MOV10: variants seen among roughly 807,000 people sequenced by gnomAD.
MOV10 encodes the protein RNA helicase MOV-10.
A neutral mutation model predicts 108.4 loss-of-function variants in MOV10; 39 were observed. The observed-to-expected ratio is 0.36, with a 90% confidence interval of 0.28 to 0.47. The LOEUF (loss-of-function observed/expected upper bound fraction) is 0.47, where lower values mean the gene tolerates loss of function less well. Among genes scored for constraint, MOV10 ranks in the 20% least tolerant of loss-of-function variants. The pLI is 1.00. For missense variants in MOV10, 952 were observed against 1,297.6 expected, an observed-to-expected ratio of 0.73 and a Z score of 4.09; for synonymous variants, 490 against 523.1, an observed-to-expected ratio of 0.94 and a Z score of 0.86.
chr1:112,681,184 T>C (rs1364733693), intron 2 of MOV10, among the ~76,000 whole-genome samples: 1 of 151,946 alleles, frequency 6.6e-6, no homozygotes, highest in South Asian at 2.1e-4. Context: ...TTTTAGTCAT[T>C]GTTTTATTTA....
intron 2 of MOV10, among the ~76,000 whole-genome samples, chr1:112,686,514 C>G (rs776640586): frequency 2.0e-5 from 3 of 152,196 alleles, no homozygotes; most frequent in Non-Finnish European, 4.4e-5. Context: ...CAACTACTCA[C>G]ACTCCCTGGG....
At chr1:112,688,906 C>T (rs1293705218) in intron 2 of MOV10, 29 bp from the exon 3 acceptor site, 3 of 1,611,312 alleles carry the variant, frequency 1.9e-6, no homozygotes, top group African/African-American at 2.7e-5. Context: ...TGCCTTCCCT[C>T]ACTTCCCAGT....
At position 112,674,881 on chromosome 1, in the gene MOV10, A is replaced by G; in HGVS notation, c.-32A>G. 1 of 1,525,488 alleles carries G rather than the reference A, an allele frequency of 6.6e-7. No homozygotes were observed. Among genetic ancestry groups the G allele is most frequent in the Non-Finnish European group, 8.8e-7 (1 of 1,141,994 alleles). The allele number at this position is 1,525,488 out of a possible 1,614,324, so 94.5% of individuals were successfully genotyped here. A position where few individuals can be genotyped will look rare whatever the true frequency, so the allele number is the denominator to read the frequency against. On this transcript the variant is annotated 5_prime_UTR_variant, in exon 2 of 21. Transcript: ENST00000369645. ...GCGACTTTCAGTTTCATTTCCACGG[A>G]CCCTCCTGCCTGGGCCGCAGCCGCC...
chr1:112,675,238 C>A lies in MOV10; in HGVS notation c.137+189C>A, dbSNP rs556269166. 2.0e-5 allele frequency among the ~76,000 whole-genome samples: 3 copies of A among 152,084 alleles called. No individual in the cohort carries two copies. Among genetic ancestry groups the A allele is most frequent in the South Asian group, 4.1e-4 (2 of 4,824 alleles). On this transcript the variant is annotated intron_variant, in intron 2 of 20. Transcript: ENST00000369645. The surrounding 1 kb of genome is among the most constrained non-coding windows in gnomAD (Gnocchi z 4.7). ...CACGCCCCACCAGCGCCGCCCGGAG[C>A]CCGCCAGTTCTGCCCGAGCTGGGCC...
At chr1:112,693,929 T>G (rs1161330437) in intron 7 of MOV10, 89 bp from the exon 8 acceptor site, 3 of 1,232,140 alleles carry the variant, frequency 2.4e-6, no homozygotes, top group Non-Finnish European at 3.5e-6. Flanking sequence ...GTCTCAGTCC[T>G]TGTCCCTTAA....
chr1:112,692,939 CAGATTGAG>C lies in MOV10; in HGVS notation c.1140+11_1140+18del. 6.2e-7 allele frequency: 1 copy of C among 1,602,162 alleles called. No individual in the cohort carries two copies. The highest frequency in any genetic ancestry group is 8.5e-7 in the Non-Finnish European group (1 of 1,174,964). ...GCTGCTCACGCTGGAGGTCAGGGCT[CAGATTGAG>C]TGTGAGGAGGGTGGGCTCAAGCCAG... is the stretch of plus-strand genomic sequence containing the variant. On this transcript the variant is annotated intron_variant, in intron 7 of 20. Transcript: ENST00000369645.
At position 112,690,126 on chromosome 1, in the gene MOV10, G is replaced by T. The variant is rs118114689; in HGVS notation, c.836+28G>T. On this transcript the variant is annotated intron_variant, in intron 5 of 20. Transcript: ENST00000369645. The stretch of plus-strand genomic sequence containing the variant: ...AACTCCTCCCTCCAACTCAGCCCTG[G>T]CTGGGCTCGTATCTCAACCACATGG... 1,889 of 1,607,044 alleles carry T rather than the reference G, an allele frequency of 1.2e-3. 27 individuals carry two copies. The East Asian group carries it at 0.024, about 20-fold the overall frequency.
At chr1:112,682,900 G>A (rs888751289) in intron 2 of MOV10, among the ~76,000 whole-genome samples, 3 of 149,148 alleles carry the variant, frequency 2.0e-5, no homozygotes, top group African/African-American at 7.4e-5. Context: ...GGGCTCTTCT[G>A]AATGAAGCTC....
chr1:112,681,185 G>A (rs1215470264), intron 2 of MOV10, among the ~76,000 whole-genome samples: 2 of 151,546 alleles, frequency 1.3e-5, no homozygotes, highest in East Asian at 3.9e-4. Context: ...TTTAGTCATT[G>A]TTTTATTTAA....
chr1:112,697,457 G>C (rs566692926), intron 14 of MOV10, among the ~76,000 whole-genome samples: 87 of 152,198 alleles, frequency 5.7e-4, no homozygotes, highest in Middle Eastern at 3.4e-3. Context: ...GTGACAGAGC[G>C]AGACTCCATC....
intron 5 of MOV10, among the ~76,000 whole-genome samples, chr1:112,691,049 C>T (rs898829782): frequency 2.6e-5 from 4 of 151,838 alleles, no homozygotes; most frequent in East Asian, 3.9e-4. Flanking sequence ...GAGGCTGAGG[C>T]GGGCAGATCA....
Position 112,696,265 on chromosome 1 carries a change from G to T in MOV10, c.1883+14G>T. ...CACTGCCGGCAGGTGGGGAGTGTGTGTGGGTGTGTCTCTGAATCGTAAGTG... is the reference window on the plus strand; with the variant it reads ...CACTGCCGGCAGGTGGGGAGTGTGTTTGGGTGTGTCTCTGAATCGTAAGTG... On this transcript the variant is annotated intron_variant, in intron 12 of 20. Transcript: ENST00000369645. 1 of 1,569,564 alleles carries T rather than the reference G, an allele frequency of 6.4e-7. No homozygotes were observed.
chr1:112,681,172 T>C (rs1672619983), intron 2 of MOV10, among the ~76,000 whole-genome samples: 1 of 151,974 alleles, frequency 6.6e-6, no homozygotes, highest in South Asian at 2.1e-4. Flanking sequence ...TCAGGGTGGT[T>C]TTTTTAGTCA....
Position 112,675,125 on chromosome 1 carries a change from T to TC in MOV10, c.137+79dup, listed in dbSNP as rs940493106. On this transcript the variant is annotated intron_variant, in intron 2 of 20. Transcript: ENST00000369645. The surrounding 1 kb of genome is among the most constrained non-coding windows in gnomAD (Gnocchi z 4.7). ...ACGACCCCCGCGCGAGGGCCACCTT[T>TC]CCCGCCCCGGGGCGCAGAGGGACGC... The TC allele has an allele frequency of 4.6e-6, 7 of 1,533,694 alleles. No homozygotes were observed. The African/African-American group carries it at 7.2e-5, about 16-fold the overall frequency.
At position 112,696,616 on chromosome 1, in the gene MOV10, C is replaced by T. The variant is rs772765284; in HGVS notation, c.1982-14C>T. On this transcript the variant is annotated splice_polypyrimidine_tract_variant and intron_variant, in intron 13 of 20. Coordinates refer to ENST00000369645, the MANE Select transcript of MOV10 (RefSeq NM_001321324.2). ...ACCACTTACCTTTCTTCCCACACCTCTTCTGCTTCCCAGGGCTGATGGAAG... is the reference window on the plus strand; with the variant it reads ...ACCACTTACCTTTCTTCCCACACCTTTTCTGCTTCCCAGGGCTGATGGAAG... The T allele has an allele frequency of 1.9e-6, 3 of 1,613,468 alleles. No homozygotes were observed. Among genetic ancestry groups the T allele is most frequent in the Non-Finnish European group, 2.5e-6 (3 of 1,179,622 alleles).
chr1:112,695,381 A>G, intron 10 of MOV10, 35 bp from the exon 11 acceptor site: 1 of 1,606,306 alleles, frequency 6.2e-7, no homozygotes, highest in Non-Finnish European at 8.5e-7. Flanking sequence ...AGTCTCAGGA[A>G]CCTGCCTCCC....
chr1:112,691,929 A>G, intron 6 of MOV10, 130 bp downstream of exon 6: 2 of 958,526 alleles, frequency 2.1e-6, no homozygotes, highest in Non-Finnish European at 3.1e-6. Context: ...CACGCACCAT[A>G]CACCAAGCAC....
intron 2 of MOV10, among the ~76,000 whole-genome samples, chr1:112,678,436 AG>A (rs1412061835): frequency 1.3e-5 from 2 of 152,136 alleles, no homozygotes; most frequent in African/African-American, 2.4e-5. Context: ...CAACTAACTA[AG>A]GAAGGAGGCA....
intron 17 of MOV10, 132 bp from the exon 18 acceptor site, chr1:112,699,553 G>A (rs1674441604): frequency 1.3e-6 from 2 of 1,515,646 alleles, no homozygotes; most frequent in South Asian, 2.7e-5. Context: ...CCGTGTCGCA[G>A]CACTGGTTCA....
Sources: gnomAD v4.1 joint callset for allele counts (sites outside exome capture counted in the v4.1 genomes callset) on GRCh38, gnomAD v4.1.1 for gene constraint, Gnocchi (gnomAD v3.1) non-coding constraint, MANE v1.5 for transcripts, NCBI Gene and HGNC (gene_info 2026-07-23, HGNC 2026-07-21) for gene names.